Variants in BMP6 observed in about 807,000 individuals in gnomAD.
BMP6 encodes VG-1-R.
Under a neutral mutation model 54.1 loss-of-function variants are expected in BMP6, and 17 were observed. That is an observed-to-expected ratio of 0.31 (90% CI 0.22 to 0.47). The LOEUF (loss-of-function observed/expected upper bound fraction) is 0.47, where lower values mean the gene tolerates loss of function less well. Ranked by LOEUF, BMP6 falls within the 20% of genes least tolerant of loss-of-function variation. The pLI, the probability that BMP6 is intolerant of heterozygous loss-of-function variation, is 1.00. For synonymous variants in BMP6, 328 were observed against 291.2 expected, an observed-to-expected ratio of 1.13 and a Z score of -1.28; for missense variants, 720 against 690.4, an observed-to-expected ratio of 1.04 and a Z score of -0.48.
chr6:7,771,195 A>C (rs144294949), intron 1 of BMP6, among the ~76,000 whole-genome samples: 2 of 152,362 alleles, frequency 1.3e-5, no homozygotes, highest in African/African-American at 4.8e-5. Flanking sequence ...ACAGATATGT[A>C]CCTGACACGT....
chr6:7,798,663 ACTG>A (rs1431797336), intron 1 of BMP6, among the ~76,000 whole-genome samples: 1 of 152,204 alleles, frequency 6.6e-6, no homozygotes, highest in Non-Finnish European at 1.5e-5. Flanking sequence ...CTCACTCGGC[ACTG>A]CTGCTTGCCA....
intron 1 of BMP6, among the ~76,000 whole-genome samples, chr6:7,776,198 T>G (rs916357613): frequency 6.6e-6 from 1 of 152,240 alleles, no homozygotes. Flanking sequence ...TTAAAGAATT[T>G]AGTCACTGAG....
chr6:7,774,896 A>G (rs1475413749), intron 1 of BMP6, among the ~76,000 whole-genome samples: 1 of 152,178 alleles, frequency 6.6e-6, no homozygotes, highest in Non-Finnish European at 1.5e-5. Context: ...TGGCACCATC[A>G]TCTGTTTGGC....
chr6:7,765,034 C>A (rs960881934), intron 1 of BMP6, among the ~76,000 whole-genome samples: 1 of 152,168 alleles, frequency 6.6e-6, no homozygotes, highest in African/African-American at 2.4e-5. Context: ...GGAGACTGGT[C>A]GAAAGTTTGA....
intron 1 of BMP6, among the ~76,000 whole-genome samples, chr6:7,809,281 T>C (rs1475946964): frequency 6.6e-6 from 1 of 152,238 alleles, no homozygotes. Flanking sequence ...ATGTGTTTCC[T>C]GAGCCTTCCT....
In BMP6 at chr6:7,880,411, C is replaced by T. The variant is rs1759697487; in HGVS notation, c.*68C>T. On this transcript the variant is annotated 3_prime_UTR_variant, in exon 7 of 7. Coordinates refer to ENST00000283147, the MANE Select transcript of BMP6 (RefSeq NM_001718.6). ...CTAGATTACATCTGCCTTAAAAAAA[C>T]ACGGAAGCACAGTTGGAGGTGGGAC... 6.3e-7 allele frequency: 1 copy of T among 1,587,946 alleles called. No individual in the cohort carries two copies. Among genetic ancestry groups the T allele is most frequent in the Non-Finnish European group, 8.6e-7 (1 of 1,159,986 alleles).
chr6:7,845,415 T>C, intron 2 of BMP6, 83 bp downstream of exon 2: 5 of 1,323,228 alleles, frequency 3.8e-6, no homozygotes, highest in Non-Finnish European at 5.1e-6. Context: ...CAGCTATGTC[T>C]GTGCAGGGTG....
chr6:7,774,727 A>G (rs1291051899), intron 1 of BMP6, among the ~76,000 whole-genome samples: 1 of 152,164 alleles, frequency 6.6e-6, no homozygotes, highest in Admixed American at 6.5e-5. Flanking sequence ...TCAACACAAT[A>G]CATTTTCCTG....
At chr6:7,794,320 A>G (rs757710468) in intron 1 of BMP6, among the ~76,000 whole-genome samples, 1 of 152,220 alleles carries the variant, frequency 6.6e-6, no homozygotes, top group Non-Finnish European at 1.5e-5. Context: ...TAGTAGCCCA[A>G]ATAGAAAAGT....
At chr6:7,780,641 TCTAA>T (rs2113167996) in intron 1 of BMP6, among the ~76,000 whole-genome samples, 1 of 152,328 alleles carries the variant, frequency 6.6e-6, no homozygotes, top group African/African-American at 2.4e-5. Context: ...CCAGACAGCT[TCTAA>T]CTTAGTAAGG....
intron 2 of BMP6, among the ~76,000 whole-genome samples, chr6:7,857,450 A>C (rs1339963498): frequency 6.6e-6 from 1 of 152,234 alleles, no homozygotes; most frequent in Non-Finnish European, 1.5e-5. Context: ...CAATAACTGC[A>C]TTAAAAATTA....
chr6:7,863,207 C>T (rs1742900989), intron 4 of BMP6, among the ~76,000 whole-genome samples: 1 of 152,112 alleles, frequency 6.6e-6, no homozygotes, highest in South Asian at 2.1e-4. Flanking sequence ...ACCATGTTGA[C>T]CAGGATGGTC....
chr6:7,737,422 C>G (rs115464197), intron 1 of BMP6, among the ~76,000 whole-genome samples: 2 of 152,086 alleles, frequency 1.3e-5, no homozygotes, highest in South Asian at 4.1e-4. Context: ...TGCCTTTCCC[C>G]CCATGGAGAA....
chr6:7,878,472 T>C (rs981017495), intron 4 of BMP6, among the ~76,000 whole-genome samples: 1 of 152,098 alleles, frequency 6.6e-6, no homozygotes. Context: ...CCTGGCTTAG[T>C]GTTATTGCAT....
rs1757438513 is a variant in BMP6, at chr6:7,752,306, CTCATTT to C, written c.664+24689_664+24694del. Among the ~76,000 whole-genome samples, 3 of 152,298 alleles carry C rather than the reference CTCATTT, an allele frequency of 2.0e-5. No individual in the cohort carries two copies. The South Asian group carries it at 6.2e-4, about 32-fold the overall frequency. On this transcript the variant is annotated intron_variant, in intron 1 of 6. Coordinates refer to ENST00000283147, the MANE Select transcript of BMP6 (RefSeq NM_001718.6). ...GCTCATGAGCTGTAGCTTGGTGACT[CTCATTT>C]TAGACCTGTGTAATCTAGGTCCTGA...
intron 1 of BMP6, among the ~76,000 whole-genome samples, chr6:7,735,209 C>G (rs1302547024): frequency 6.6e-6 from 1 of 152,218 alleles, no homozygotes; most frequent in Non-Finnish European, 1.5e-5. Flanking sequence ...TTTCACCGTC[C>G]AGAACGTCTG....
At chr6:7,834,160 G>A (rs887430411) in intron 1 of BMP6, among the ~76,000 whole-genome samples, 3 of 150,904 alleles carry the variant, frequency 2.0e-5, no homozygotes, top group African/African-American at 7.3e-5. Flanking sequence ...GTTCTGGCTG[G>A]TGGTGTTCCT....
intron 1 of BMP6, among the ~76,000 whole-genome samples, chr6:7,785,367 T>TG (rs1195341979): frequency 6.6e-6 from 1 of 152,222 alleles, no homozygotes; most frequent in African/African-American, 2.4e-5. Context: ...ACTGAGTGCT[T>TG]GTTTGTAGCT....
intron 2 of BMP6, 38 bp from the exon 3 acceptor site, chr6:7,861,413 A>G: frequency 6.2e-7 from 1 of 1,609,178 alleles, no homozygotes; most frequent in Non-Finnish European, 8.5e-7. Flanking sequence ...AGCTTCAGGC[A>G]GTGCGCTATT....
Sources: gnomAD v4.1 joint callset for allele counts (sites outside exome capture counted in the v4.1 genomes callset) on GRCh38, gnomAD v4.1.1 for gene constraint, MANE v1.5 for transcripts, NCBI Gene and HGNC (gene_info 2026-07-23, HGNC 2026-07-21) for gene names.